The following ATAD2B variants were observed in gnomAD, a reference collection of about 807,000 sequenced individuals.
ATAD2B encodes ATPase family AAA domain containing 2B.
ATAD2B carries 40 observed loss-of-function variants against 167.6 expected under a neutral mutation model. That is an observed-to-expected ratio of 0.24 (90% confidence interval 0.19 to 0.31). The LOEUF (loss-of-function observed/expected upper bound fraction) is 0.31. Ranked by LOEUF, ATAD2B falls within the 10% of genes least tolerant of loss-of-function variation. ATAD2B has a pLI of 1.00. For synonymous variants in ATAD2B, 579 were observed against 596.5 expected (o/e 0.97, Z 0.43); for missense variants, 1,242 against 1,757.2 (o/e 0.71, Z 5.24).
intron 18 of ATAD2B, among the ~76,000 whole-genome samples, chr2:23,801,999 A>G (rs993064274): frequency 1.3e-5 from 2 of 152,088 alleles, no homozygotes; most frequent in Non-Finnish European, 2.9e-5. Context: ...AAAACTAGAA[A>G]AATTTTAAAC....
chr2:23,775,143 T>G (rs1280935771), intron 22 of ATAD2B, among the ~76,000 whole-genome samples: 1 of 151,848 alleles, frequency 6.6e-6, no homozygotes, highest in South Asian at 2.1e-4. Flanking sequence ...TGGAAGGAAA[T>G]CAGAAAAATC....
At chr2:23,705,909 G>A in the ATAD2B span, among the ~76,000 whole-genome samples, 3 of 152,202 alleles carry the variant, frequency 2.0e-5, no homozygotes, top group African/African-American at 7.2e-5. Context: ...GAGCAAGCCA[G>A]TGAGTGTCAC....
intron 12 of ATAD2B, among the ~76,000 whole-genome samples, chr2:23,859,711 G>T (rs1008147219): frequency 2.0e-5 from 3 of 152,120 alleles, no homozygotes; most frequent in Non-Finnish European, 2.9e-5. Flanking sequence ...ACTTTGGGAG[G>T]TCGAGACAGG....
chr2:23,870,916 T>C (rs759323219), intron 8 of ATAD2B, among the ~76,000 whole-genome samples: 1 of 152,072 alleles, frequency 6.6e-6, no homozygotes, highest in Non-Finnish European at 1.5e-5. Flanking sequence ...GGAAAAATAA[T>C]ACTTAATGAA....
At chr2:23,898,643 T>C (rs1700417650) in intron 1 of ATAD2B, among the ~76,000 whole-genome samples, 1 of 152,204 alleles carries the variant, frequency 6.6e-6, no homozygotes, top group Non-Finnish European at 1.5e-5. Context: ...TCTCTTTAAA[T>C]ATTTTACAGA....
the ATAD2B span, chr2:23,691,553 G>C: frequency 1.4e-6 from 1 of 733,930 alleles, no homozygotes; most frequent in Non-Finnish European, 2.3e-6. Flanking sequence ...TGTCATTGCC[G>C]TGTCCTTTGA....
At chr2:23,772,526 G>T (rs536089287) in intron 22 of ATAD2B, among the ~76,000 whole-genome samples, 51 of 152,152 alleles carry the variant, frequency 3.4e-4, no homozygotes, top group Middle Eastern at 3.4e-3. Context: ...TAAAGGTATG[G>T]ATCTGGCATA....
chr2:23,698,694 A>T, the ATAD2B span, among the ~76,000 whole-genome samples: 3 of 152,174 alleles, frequency 2.0e-5, no homozygotes, highest in Non-Finnish European at 4.4e-5. Flanking sequence ...ATTTTATAGC[A>T]ATATATTGCA....
chr2:23,681,842 CTCTT>C, the ATAD2B span, among the ~76,000 whole-genome samples: 1 of 152,212 alleles, frequency 6.6e-6, no homozygotes, highest in Admixed American at 6.5e-5. The surrounding 1 kb of genome is among the most constrained non-coding windows in gnomAD (Gnocchi z 4.2). Flanking sequence ...CGGCTGGTGA[CTCTT>C]TCTGGAGATA....
At position 23,757,809 on chromosome 2, in the gene ATAD2B, C is replaced by T. The variant is rs745618883; in HGVS notation, c.3687G>A (p.Glu1229=). The change falls in exon 25 of 28, where the codon GAG becomes GAA. Residue 1229 remains glutamate, a synonymous_variant. Coordinates refer to ENST00000238789, the MANE Select transcript of ATAD2B (RefSeq NM_017552.4). ...TTTCCTCCTCAGTAGATGCAAAGTT[C>T]TCTTTTGTGCCTGCTCCATTGTTAA... ...QRLNNGAGTK[E]NFASTEEESS... 13 of 1,569,142 alleles carry T rather than the reference C, an allele frequency of 8.3e-6. No individual in the cohort carries two copies. Among genetic ancestry groups the T allele is most frequent in the Non-Finnish European group, 1.1e-5 (13 of 1,163,386 alleles).
chr2:23,686,957 G>A, the ATAD2B span, among the ~76,000 whole-genome samples: 1 of 152,190 alleles, frequency 6.6e-6, no homozygotes, highest in East Asian at 1.9e-4. Flanking sequence ...GTCTTTACAA[G>A]AAGATGGCTT....
chr2:23,731,969 T>A, the ATAD2B span, among the ~76,000 whole-genome samples: 2 of 138,864 alleles, frequency 1.4e-5, no homozygotes, highest in Non-Finnish European at 3.2e-5. Context: ...AAAGCAAGAC[T>A]GTCTCCTAGG....
chr2:23,906,087 G>A (rs974254663), intron 1 of ATAD2B, among the ~76,000 whole-genome samples: 5 of 152,054 alleles, frequency 3.3e-5, no homozygotes, highest in African/African-American at 7.2e-5. Flanking sequence ...CTGTAATCCC[G>A]ATACTTTGGG....
intron 13 of ATAD2B, among the ~76,000 whole-genome samples, chr2:23,838,562 G>C (rs942035649): frequency 7.2e-5 from 11 of 152,080 alleles, no homozygotes; most frequent in Non-Finnish European, 1.6e-4. Flanking sequence ...AGGCCTACTT[G>C]CTTGTCTCAA....
chr2:23,781,369 TAAATA>T (rs1292014680), intron 22 of ATAD2B, among the ~76,000 whole-genome samples: 523 of 143,094 alleles, frequency 3.7e-3, no homozygotes, highest in African/African-American at 9.6e-3. Context: ...AATAAATAAA[TAAATA>T]AATAATCAGG....
intron 1 of ATAD2B, among the ~76,000 whole-genome samples, chr2:23,909,425 T>C (rs922914473): frequency 2.6e-4 from 39 of 148,778 alleles, no homozygotes; most frequent in East Asian, 1.8e-3. Context: ...TATATATATA[T>C]ACATACATAC....
chr2:23,763,594 G>A (rs535771513), intron 23 of ATAD2B, among the ~76,000 whole-genome samples: 2 of 151,948 alleles, frequency 1.3e-5, no homozygotes, highest in African/African-American at 2.4e-5. Context: ...TAATGTTTTG[G>A]GGTTTTTTTT....
chr2:23,902,671 A>T (rs1341241003), intron 1 of ATAD2B, among the ~76,000 whole-genome samples: 1 of 152,200 alleles, frequency 6.6e-6, no homozygotes, highest in Admixed American at 6.5e-5. Flanking sequence ...TGAGTAGGAA[A>T]AGTACCTCAG....
chr2:23,914,103 C>CA (rs960956437), intron 1 of ATAD2B, among the ~76,000 whole-genome samples: 3 of 150,436 alleles, frequency 2.0e-5, no homozygotes, highest in Admixed American at 6.6e-5. Flanking sequence ...TTTTAAAAAA[C>CA]AAAAAAAAAG....
Sources: gnomAD v4.1 joint callset for allele counts (sites outside exome capture counted in the v4.1 genomes callset) on GRCh38, gnomAD v4.1.1 for gene constraint, Gnocchi (gnomAD v3.1) non-coding constraint, MANE v1.5 for transcripts, NCBI Gene and HGNC (gene_info 2026-07-23, HGNC 2026-07-21) for gene names.